Variants in TTN observed in about 807,000 individuals in gnomAD.
TTN encodes connectin.
Under a neutral mutation model 3,223.0 loss-of-function variants are expected in TTN, and 1,525 were observed. The observed-to-expected ratio is 0.47, with a 90% confidence interval of 0.45 to 0.49. The LOEUF is 0.49. TTN is among the 20% of genes least tolerant of loss of function. The probability of loss-of-function intolerance (pLI) is 0.00; values close to 1 mark genes in which losing one functional copy is unlikely to be tolerated. For missense variants in TTN, 40,786 were observed against 43,424.0 expected, an observed-to-expected ratio of 0.94 and a Z score of 5.40; for synonymous variants, 14,094 against 15,161.0, an observed-to-expected ratio of 0.93 and a Z score of 5.17.
At chr2:178,549,929 G>T in intron 337 of TTN, 57 bp downstream of exon 337, 2 of 1,551,728 alleles carry the variant, frequency 1.3e-6, no homozygotes, top group South Asian at 2.5e-5. Flanking sequence ...ATACAACTAG[G>T]CATGTCTCTA....
In TTN at chr2:178,551,676, G is replaced by A. The variant is rs1057522835; in HGVS notation, c.91224C>T (p.Ser30408=). The change falls in exon 335 of 363, where the codon AGC becomes AGT. Residue 30408 remains serine (S), a synonymous_variant. Transcript: ENST00000589042. ...TAAATTTGCTTGGGTCACTAGGTGA[G>A]CTTAGGCCAGCAGAATTTTCAGCAT... ...RVYAENSAGL[S]SPSDPSKFTL... 3 of 1,610,598 alleles carry A rather than the reference G, an allele frequency of 1.9e-6. No individual in the cohort carries two copies. The highest frequency in any genetic ancestry group is 1.7e-5 in the Admixed American group (1 of 59,848).
intron 126 of TTN, 94 bp downstream of exon 126, chr2:178,688,583 A>T: frequency 1.1e-6 from 1 of 877,710 alleles, no homozygotes; most frequent in Non-Finnish European, 1.9e-6. Context: ...ACTGATGAGG[A>T]CATGTTCTAA....
At position 178,736,022 on chromosome 2, in the gene TTN, C is replaced by G. The variant is rs374479775; in HGVS notation, c.14424G>C (p.Val4808=). 527 of 1,611,308 alleles carry G rather than the reference C, an allele frequency of 3.3e-4. No homozygotes were observed. Among genetic ancestry groups the G allele is most frequent in the Non-Finnish European group, 4.1e-4 (480 of 1,178,388 alleles). Residue 4808 remains valine (V), a synonymous_variant, in exon 50 of 363, where the codon GTG becomes GTC. Transcript: ENST00000589042. ...TGCAGATGAACTTGGCTGCCTTACC[C>G]ACAAAAGTTGTAAGGGACTTAGGTC... The part of the protein sequence containing the change: ...LSRPKSLTTF[V]GKAAKFICTV...
At position 178,714,489 on chromosome 2, in the gene TTN, G is replaced by A; in HGVS notation, c.26285C>T (p.Ala8762Val). 6.2e-7 allele frequency: 1 copy of A among 1,613,458 alleles called. No homozygotes were observed. The highest frequency in any genetic ancestry group is 8.5e-7 in the Non-Finnish European group (1 of 1,179,646). The change falls in exon 91 of 363, where the codon GCT (alanine) becomes GTT (valine). Residue 8762 changes from alanine to valine, a missense_variant. Transcript: ENST00000589042. ...EVQLQTTIEGAEPISVVWFKD... is the reference protein window; with the variant it reads ...EVQLQTTIEGVEPISVVWFKD... ...GAACCACACCACTGAAATGGGTTCA[G>A]CGCCTTCAATGGTAGTCTGCAGCTG... is the stretch of plus-strand genomic sequence containing the variant.
At chr2:178,804,791 G>T (rs1561543760) in intron 1 of TTN, 136 bp from the exon 2 acceptor site, 2 of 766,528 alleles carry the variant, frequency 2.6e-6, no homozygotes, top group Non-Finnish European at 4.3e-6. Context: ...TGATGGGCAG[G>T]TCTTCTCTTT....
chr2:178,769,809 A>G lies in TTN; in HGVS notation c.8772T>C (p.Ser2924=), dbSNP rs778525693. 3 of 1,613,692 alleles carry G rather than the reference A, an allele frequency of 1.9e-6. No individual in the cohort carries two copies. The African/African-American group carries it at 4.0e-5, about 22-fold the overall frequency. ...WLKNGVEIEM[S]EKFKIVVQGK... The stretch of plus-strand genomic sequence containing the variant: ...CCTGCACAACTATCTTGAACTTTTC[A>G]CTCATCTCAATTTCCACACCATTCT... The change falls in exon 37 of 363, where the codon AGT becomes AGC. Residue 2924 remains serine (S), a synonymous_variant. Transcript: ENST00000589042.
intron 44 of TTN, 74 bp downstream of exon 44, chr2:178,758,909 CT>C: frequency 1.4e-6 from 2 of 1,415,348 alleles, no homozygotes; most frequent in Non-Finnish European, 2.0e-6. Flanking sequence ...TACATGAACT[CT>C]TGAGTAATTG....
At position 178,597,560 on chromosome 2, in the gene TTN, CTTCT is replaced by C. The variant is rs760967554; in HGVS notation, c.57518_57521del (p.Lys19173ArgfsTer8). Reference sequence around the variant, plus strand: ...TACCTAATACATCAACAATAATTGTCTTCTTTCTTTCTCCGGCTTCATTTTTGGC... The same window carrying C: ...TACCTAATACATCAACAATAATTGTCTTCTTTCTCCGGCTTCATTTTTGGC... On this transcript the variant is annotated frameshift_variant, in exon 294 of 363. Coordinates refer to ENST00000589042, the MANE Select transcript of TTN (RefSeq NM_001267550.2). LOFTEE classifies it high-confidence loss of function. 1 of 1,612,106 alleles carries C rather than the reference CTTCT, an allele frequency of 6.2e-7. No individual in the cohort carries two copies. The highest frequency in any genetic ancestry group is 8.5e-7 in the Non-Finnish European group (1 of 1,179,242).
At chr2:178,606,264 T>C (rs933625982) in intron 278 of TTN, among the ~76,000 whole-genome samples, 4 of 152,022 alleles carry the variant, frequency 2.6e-5, no homozygotes, top group African/African-American at 9.7e-5. Flanking sequence ...ACTTGTTGAC[T>C]GTTATTGCAA....
chr2:178,554,095 T>G lies in TTN; in HGVS notation c.89016A>C (p.Lys29672Asn). ...GSDISGYFLE[K>N]RDKKSLGWFK... is the part of the protein sequence containing the mutation. ...ACCATCCTAGGCTCTTCTTGTCTCG[T>G]TTTTCAAGGAAATAGCCACTTATAT... Residue 29672 changes from lysine (K) to asparagine (N), a missense_variant, in exon 333 of 363, where the codon AAA (lysine) becomes AAC (asparagine). Lys to Asn is a moderately conservative substitution (Grantham distance 94). Transcript: ENST00000589042. 6.2e-7 allele frequency: 1 copy of G among 1,613,844 alleles called. No individual in the cohort carries two copies. The highest frequency in any genetic ancestry group is 1.3e-5 in the African/African-American group (1 of 75,034).
Position 178,581,662 on chromosome 2 carries a change from G to T in TTN, c.66606C>A (p.Asn22202Lys), listed in dbSNP as rs1224096976. The part of the protein sequence containing the change: ...LVEVKRADSD[N>K]WVRCNLPQNL... ...TCTGTGGTAAGTTGCACCTCACCCAGTTATCGGAGTCAGCCCGTTTTACTT... is the reference window on the plus strand; with the variant it reads ...TCTGTGGTAAGTTGCACCTCACCCATTTATCGGAGTCAGCCCGTTTTACTT... Residue 22202 changes from asparagine to lysine, a missense_variant, in exon 316 of 363, where the codon AAC becomes AAA. Transcript: ENST00000589042. The T allele has an allele frequency of 1.2e-6, 2 of 1,612,774 alleles. 1 individual carries two copies. Among genetic ancestry groups the T allele is most frequent in the Non-Finnish European group, 1.7e-6 (2 of 1,179,284 alleles).
In TTN at chr2:178,587,156, G is replaced by A. The variant is rs746114626; in HGVS notation, c.64055C>T (p.Thr21352Ile). 12 of 1,613,156 alleles carry A rather than the reference G, an allele frequency of 7.4e-6. No homozygotes were observed. The Admixed American group carries it at 1.8e-4, about 25-fold the overall frequency. ...AVNEYGPGVP[T>I]DVPKPVLASD... The stretch of plus-strand genomic sequence containing the variant: ...TGCAAGCACTGGTTTTGGGACATCT[G>A]TTGGGACGCCAGGGCCATATTCGTT... Residue 21352 changes from threonine (T) to isoleucine (I), a missense_variant, in exon 307 of 363, where the codon ACA becomes ATA. Physicochemically the swap from Thr to Ile is moderately conservative, Grantham distance 89. Transcript: ENST00000589042.
rs774214497 is a variant in TTN at position 178,636,418 on chromosome 2, G to A, written c.41309C>T (p.Thr13770Met). Residue 13770 changes from threonine to methionine, a missense_variant, in exon 225 of 363, where the codon ACG becomes ATG. By Grantham distance (81) the Thr-to-Met change is moderately conservative. Transcript: ENST00000589042. This position sits in a 1 kb window ranked among gnomAD's most constrained non-coding sequence, Gnocchi z 4.3. ...LRLGNKEKTSTAKLVVEELPV... is the reference protein window; with the variant it reads ...LRLGNKEKTSMAKLVVEELPV... ...ATTACCTTCTACAACAAGTTTAGCC[G>A]TGGAGGTCTTTTCTTTGTTTCCCAA... The A allele has an allele frequency of 2.5e-5, 41 of 1,608,998 alleles. 1 individual carries two copies. Among genetic ancestry groups the A allele is most frequent in the African/African-American group, 1.1e-4 (8 of 74,652 alleles).
In TTN at chr2:178,602,358, T is replaced by C. The variant is rs1014328478; in HGVS notation, c.55044A>G (p.Arg18348=). The part of the protein sequence containing the change: ...NLKELRKYRF[R]VKAVNEAGES... ...CACCAGCTTCATTGACAGCTTTCAC[T>C]CTGAATCTGTACTTCCTGAGCTCTT... Residue 18348 remains arginine (R), a synonymous_variant, in exon 283 of 363, where the codon AGA becomes AGG. Transcript: ENST00000589042. The C allele has an allele frequency of 2.5e-6, 4 of 1,612,810 alleles. No homozygotes were observed. The highest frequency in any genetic ancestry group is 2.5e-6 in the Non-Finnish European group (3 of 1,179,324).
rs748847402 is a variant in TTN, at chr2:178,575,430, C to T, written c.70702G>A (p.Val23568Met). 2 of 1,613,614 alleles carry T rather than the reference C, an allele frequency of 1.2e-6. No individual in the cohort carries two copies. The highest frequency in any genetic ancestry group is 1.1e-5 in the South Asian group (1 of 91,072). Residue 23568 changes from valine (V) to methionine (M), a missense_variant, in exon 326 of 363, where the codon GTG (valine) becomes ATG (methionine). Physicochemically the swap from Val to Met is conservative, Grantham distance 21. Transcript: ENST00000589042. This position sits in a 1 kb window ranked among gnomAD's most constrained non-coding sequence, Gnocchi z 4.0. ...HDGGSKITGY[V>M]IEAQRKGSDQ... ...GAGCCTTTTCTTTGGGCTTCAATCA[C>T]ATAGCCAGTGATCTTGCTGCCACCA...
At position 178,565,593 on chromosome 2, in the gene TTN, G is replaced by C. The variant is rs561152891; in HGVS notation, c.80539C>G (p.Gln26847Glu). 6.2e-7 allele frequency: 1 copy of C among 1,613,490 alleles called. No individual in the cohort carries two copies. The highest frequency in any genetic ancestry group is 1.7e-5 in the Admixed American group (1 of 59,976). The change falls in exon 326 of 363, where the codon CAA becomes GAA. Residue 26847 changes from glutamine (Q) to glutamate (E), a missense_variant. Gln to Glu is a conservative substitution (Grantham distance 29, BLOSUM62 2). Transcript: ENST00000589042. ...NAVVTGLSSG[Q>E]EYQFRVKAYN... ...GCCTTGACACGGAACTGATATTCTT[G>C]TCCAGAACTCAAACCAGTAACAACT...
intron 45 of TTN, 33 bp from the exon 46 acceptor site, chr2:178,756,830 A>G (rs1376848583): frequency 1.9e-6 from 3 of 1,590,258 alleles, no homozygotes; most frequent in South Asian, 2.3e-5. Context: ...AAAGAAAAGA[A>G]TATTAAGATC....
In TTN at chr2:178,732,692, C is replaced by T. The variant is rs774425875; in HGVS notation, c.16369G>A (p.Gly5457Ser). 1.3e-5 allele frequency: 20 copies of T among 1,598,120 alleles called. No individual in the cohort carries two copies. Among genetic ancestry groups the T allele is most frequent in the Middle Eastern group, 1.7e-4 (1 of 5,968 alleles). The change falls in exon 56 of 363, where the codon GGC becomes AGC. Residue 5457 changes from glycine to serine, a missense_variant. Transcript: ENST00000589042. ...GAGCCAGGCAGAACATCCTTTGAGC[C>T]GGGTTTAGTTACAAAACTGGGTGGT... ...QEPPSFVTKP[G>S]SKDVLPGSAV...
Position 178,530,675 on chromosome 2 carries a change from C to T in TTN, c.105940G>A (p.Ala35314Thr), listed in dbSNP as rs377171054. The change falls in exon 358 of 363, where the codon GCA becomes ACA. Residue 35314 changes from alanine to threonine, a missense_variant. By Grantham distance (58) the Ala-to-Thr change is moderately conservative (BLOSUM62 0). Transcript: ENST00000589042. ...TCTTTATACCAGGTGACCTCTTTTGCCCTTAATACACTGCTTTCAACCACA... is the reference window on the plus strand; with the variant it reads ...TCTTTATACCAGGTGACCTCTTTTGTCCTTAATACACTGCTTTCAACCACA... ...TCVVESSVLR[A>T]KEVTWYKDGK... The T allele has an allele frequency of 9.3e-5, 150 of 1,613,844 alleles. No homozygotes were observed. The highest frequency in any genetic ancestry group is 1.6e-4 in the Middle Eastern group (1 of 6,084).
Sources: allele counts gnomAD v4.1 joint callset (sites outside exome capture counted in the v4.1 genomes callset), GRCh38; gene constraint gnomAD v4.1.1; non-coding constraint Gnocchi (gnomAD v3.1); transcripts MANE v1.5; gene names NCBI Gene and HGNC (gene_info 2026-07-23, HGNC 2026-07-21).